CSF1: variants seen among roughly 807,000 people sequenced by gnomAD.
CSF1 encodes macrophage colony-stimulating factor 1.
Under a neutral mutation model 48.9 loss-of-function variants are expected in CSF1, and 9 were observed. The ratio of observed to expected loss-of-function variants is 0.18; its 90% CI spans 0.11 to 0.32. CSF1 has a LOEUF of 0.32. Among genes scored for constraint, CSF1 ranks in the 10% least tolerant of loss-of-function variants. The probability of loss-of-function intolerance (pLI) is 1.00; values close to 1 mark genes in which losing one functional copy is unlikely to be tolerated. For missense variants in CSF1, 672 were observed against 697.9 expected, an observed-to-expected ratio of 0.96 and a Z score of 0.42; for synonymous variants, 305 against 284.1, an observed-to-expected ratio of 1.07 and a Z score of -0.74.
At chr1:109,915,816 G>C in intron 3 of CSF1, 120 bp downstream of exon 3, 1 of 841,308 alleles carries the variant, frequency 1.2e-6, no homozygotes, top group Non-Finnish European at 2.0e-6. Flanking sequence ...AGAGTGTGAG[G>C]ATCCATGGGT....
rs1057152342 is a variant in CSF1 at position 109,921,852 on chromosome 1, C to T, written c.402C>T (p.Cys134=). ...GGGCCCTGATCTCCTTCCAGGCCTG[C>T]GTCCGAACTTTCTATGAGACACCTC... The part of the protein sequence containing the change: ...TKDYEEHDKA[C]VRTFYETPLQ... Residue 134 remains cysteine (C), a synonymous_variant, in exon 5 of 9, where the codon TGC becomes TGT. Coordinates refer to ENST00000329608, the MANE Select transcript of CSF1 (RefSeq NM_000757.6). 34 of 1,585,264 alleles carry T rather than the reference C, an allele frequency of 2.1e-5. No homozygotes were observed. Among genetic ancestry groups the T allele is most frequent in the Non-Finnish European group, 2.5e-5 (29 of 1,161,634 alleles).
chr1:109,915,208 T>G (rs990607740), intron 2 of CSF1, among the ~76,000 whole-genome samples: 2 of 152,202 alleles, frequency 1.3e-5, no homozygotes, highest in African/African-American at 4.8e-5. Context: ...AATCCAGAAC[T>G]GCTGCTCTGG....
At chr1:109,910,844 C>T, upstream of CSF1, 1 of 254,436 alleles carries the variant, frequency 3.9e-6, no homozygotes, top group Non-Finnish European at 6.8e-6. Context: ...CGAGGGCTGG[C>T]CAGTGAGGCT....
rs1390616870 is a variant in CSF1, at chr1:109,924,090, G to A, written c.1469G>A (p.Ser490Asn). 3 of 1,614,086 alleles carry A rather than the reference G, an allele frequency of 1.9e-6. No individual in the cohort carries two copies. In the African/African-American group the frequency reaches 4.0e-5, roughly 22 times the overall value. Residue 490 changes from serine to asparagine, a missense_variant, in exon 6 of 9, where the codon AGC (serine) becomes AAC (asparagine). Ser to Asn is a conservative substitution (Grantham distance 46, BLOSUM62 1). Coordinates refer to ENST00000329608, the MANE Select transcript of CSF1 (RefSeq NM_000757.6). ...GAGAGGCAGTCCGAGGGATCCTTCA[G>A]CCCGCAGCTCCAGGAGTCTGTCTTC... Reference protein sequence around the residue: ...GHERQSEGSFSPQLQESVFHL... With the variant: ...GHERQSEGSFNPQLQESVFHL...
intron 8 of CSF1, among the ~76,000 whole-genome samples, chr1:109,925,900 C>T (rs1248963936): frequency 2.0e-5 from 3 of 152,170 alleles, no homozygotes; most frequent in Non-Finnish European, 4.4e-5. Flanking sequence ...CTTCCTCATG[C>T]GAGGCAAAAC....
chr1:109,918,302 A>G (rs1366949863), intron 4 of CSF1, among the ~76,000 whole-genome samples: 1 of 152,136 alleles, frequency 6.6e-6, no homozygotes, highest in East Asian at 1.9e-4. Flanking sequence ...GGGAGGAGAG[A>G]AGTCAGGAGC....
chr1:109,912,121 A>T (rs1654715252), intron 1 of CSF1, among the ~76,000 whole-genome samples: 2 of 151,832 alleles, frequency 1.3e-5, no homozygotes, highest in South Asian at 4.2e-4. Context: ...GAGGAGATAG[A>T]GTTGAGAGGG....
At position 109,923,511 on chromosome 1, in the gene CSF1, C is replaced by A. The variant is rs569668854; in HGVS notation, c.890C>A (p.Ser297Tyr). 6.8e-6 allele frequency: 11 copies of A among 1,614,164 alleles called. No homozygotes were observed. In the South Asian group the frequency reaches 1.2e-4, roughly 18 times the overall value. ...FNPGMEDILD[S>Y]AMGTNWVPEE... ...CCCGGGATGGAGGATATTCTTGACT[C>A]TGCAATGGGCACTAATTGGGTCCCA... is the stretch of plus-strand genomic sequence containing the variant. Residue 297 changes from serine (S) to tyrosine (Y), a missense_variant, in exon 6 of 9, where the codon TCT becomes TAT. Ser to Tyr is a moderately radical substitution (Grantham distance 144, BLOSUM62 -2). Transcript: ENST00000329608.
At position 109,923,694 on chromosome 1, in the gene CSF1, A is replaced by G. The variant is rs1376491799; in HGVS notation, c.1073A>G (p.Gln358Arg). 1 of 1,613,586 alleles carries G rather than the reference A, an allele frequency of 6.2e-7. No individual in the cohort carries two copies. Among genetic ancestry groups the G allele is most frequent in the East Asian group, 2.2e-5 (1 of 44,860 alleles). Residue 358 changes from glutamine to arginine, a missense_variant, in exon 6 of 9, where the codon CAG becomes CGG. By Grantham distance (43) the Gln-to-Arg change is conservative. Coordinates refer to ENST00000329608, the MANE Select transcript of CSF1 (RefSeq NM_000757.6). ...CTCCCTGCATCAGCAAAGGGCCAAC[A>G]GCCGGCAGATGTAACTGGTACCGCC... ...SPLPASAKGQ[Q>R]PADVTGTALP... is the part of the protein sequence containing the mutation.
chr1:109,919,927 A>AAATAAAT (rs1647447873), intron 4 of CSF1, among the ~76,000 whole-genome samples: 1 of 146,286 alleles, frequency 6.8e-6, no homozygotes, highest in South Asian at 2.2e-4. Flanking sequence ...ACTCCATCTC[A>AAATAAAT]AAATAAATAA....
chr1:109,912,258 A>G (rs1188420319), intron 1 of CSF1, among the ~76,000 whole-genome samples: 1 of 152,150 alleles, frequency 6.6e-6, no homozygotes, highest in Non-Finnish European at 1.5e-5. Flanking sequence ...CGGTTCTGCC[A>G]GGTCTCTCCA....
chr1:109,918,934 G>C (rs920945676), intron 4 of CSF1, among the ~76,000 whole-genome samples: 1 of 152,124 alleles, frequency 6.6e-6, no homozygotes, highest in African/African-American at 2.4e-5. Flanking sequence ...AGGGCAAGCA[G>C]AGGATGGGGG....
At chr1:109,925,065 G>C in intron 7 of CSF1, 82 bp from the exon 8 acceptor site, 1 of 1,299,876 alleles carries the variant, frequency 7.7e-7, no homozygotes, top group South Asian at 1.2e-5. Context: ...AGCATGTCTG[G>C]GGCTTAGGGG....
At chr1:109,924,941 A>G in intron 7 of CSF1, 113 bp downstream of exon 7, 1 of 1,157,478 alleles carries the variant, frequency 8.6e-7, no homozygotes, top group Non-Finnish European at 1.3e-6. Context: ...GGAGCTGCAG[A>G]ACAGGATGGG....
intron 5 of CSF1, 146 bp downstream of exon 5, chr1:109,922,140 T>C: frequency 1.1e-6 from 1 of 896,620 alleles, no homozygotes. Flanking sequence ...GCTTGTTCTG[T>C]GTATATATGT....
In CSF1 at chr1:109,923,376, G is replaced by A. The variant is rs754408495; in HGVS notation, c.755G>A (p.Arg252Gln). The A allele has an allele frequency of 8.1e-6, 13 of 1,613,126 alleles. No homozygotes were observed. Among genetic ancestry groups the A allele is most frequent in the South Asian group, 2.2e-5 (2 of 90,948 alleles). Residue 252 changes from arginine (R) to glutamine (Q), a missense_variant, in exon 6 of 9, where the codon CGG (arginine) becomes CAG (glutamine). By Grantham distance (43) the Arg-to-Gln change is conservative. This residue lies in a region of CSF1 where 591 missense variants were observed against 593.6 expected (regional missense o/e 1.00). Transcript: ENST00000329608. ...GTGGATCCAGGCAGTGCCAAGCAGCGGCCACCCAGGAGCACCTGCCAGAGC... is the reference window on the plus strand; with the variant it reads ...GTGGATCCAGGCAGTGCCAAGCAGCAGCCACCCAGGAGCACCTGCCAGAGC... ...HTVDPGSAKQ[R>Q]PPRSTCQSFE...
In CSF1 at chr1:109,923,226, C is replaced by T. The variant is rs147308330; in HGVS notation, c.605C>T (p.Pro202Leu). The change falls in exon 6 of 9, where the codon CCG (proline) becomes CTG (leucine). Residue 202 changes from proline (P) to leucine (L), a missense_variant. By Grantham distance (98) the Pro-to-Leu change is moderately conservative (BLOSUM62 -3). Around this residue, in one of 3 missense-constraint regions of CSF1, gnomAD observed 591 missense variants for 593.6 expected, o/e 1.00. Coordinates refer to ENST00000329608, the MANE Select transcript of CSF1 (RefSeq NM_000757.6). Reference sequence around the variant, plus strand: ...CCCAAAGCCATCCCTAGCAGTGACCCGGCCTCTGTCTCCCCTCATCAGCCC... The same window carrying T: ...CCCAAAGCCATCCCTAGCAGTGACCTGGCCTCTGTCTCCCCTCATCAGCCC... The part of the protein sequence containing the change: ...LYPKAIPSSD[P>L]ASVSPHQPLA... The T allele has an allele frequency of 6.5e-5, 102 of 1,562,866 alleles. 2 individuals carry two copies. In the African/African-American group the frequency reaches 7.5e-4, roughly 11 times the overall value.
chr1:109,917,218 C>A, intron 3 of CSF1, 75 bp from the exon 4 acceptor site: 1 of 1,512,608 alleles, frequency 6.6e-7, no homozygotes, highest in Non-Finnish European at 9.0e-7. Flanking sequence ...CAAGCTGCAA[C>A]CCTCCATCTG....
chr1:109,917,239 GGGGTTCCCAGGCCACAATGGCCAGGC>G lies in CSF1; in HGVS notation c.226-53_226-28del, dbSNP rs915244178. 9 of 1,578,182 alleles carry G rather than the reference GGGGTTCCCAGGCCACAATGGCCAGGC, an allele frequency of 5.7e-6. No individual in the cohort carries two copies. The African/African-American group carries it at 1.2e-4, about 21-fold the overall frequency. On this transcript the variant is annotated intron_variant, in intron 3 of 8. Coordinates refer to ENST00000329608, the MANE Select transcript of CSF1 (RefSeq NM_000757.6). ...GCAACCCTCCATCTGCCTGGGGTTGGGGGTTCCCAGGCCACAATGGCCAGGCCATAAGCTCCAGGTTCCTGTTTTTC... is the reference window on the plus strand; with the variant it reads ...GCAACCCTCCATCTGCCTGGGGTTGGCATAAGCTCCAGGTTCCTGTTTTTC...
Sources: allele counts gnomAD v4.1 joint callset (sites outside exome capture counted in the v4.1 genomes callset), GRCh38; gene constraint gnomAD v4.1.1; regional missense constraint gnomAD v4.1.1; transcripts MANE v1.5; gene names NCBI Gene and HGNC (gene_info 2026-07-23, HGNC 2026-07-21).